SLC16A12: variants seen among roughly 807,000 people sequenced by gnomAD.
The protein encoded by SLC16A12 is monocarboxylate transporter 12.
In SLC16A12, 17 loss-of-function variants were observed where a neutral mutation model predicts 42.4. That is an observed-to-expected ratio of 0.40 (90% CI 0.27 to 0.60). The LOEUF (loss-of-function observed/expected upper bound fraction) is 0.60, where lower values mean the gene tolerates loss of function less well. Among genes scored for constraint, SLC16A12 ranks in the 20% least tolerant of loss-of-function variants. The pLI, the probability that SLC16A12 is intolerant of heterozygous loss-of-function variation, is 0.42. For missense variants in SLC16A12, 544 were observed against 623.0 expected (o/e 0.87, Z 1.35); for synonymous variants, 224 against 229.4 (o/e 0.98, Z 0.21).
chr10:89,471,124 C>A (rs150350451), intron 2 of SLC16A12, among the ~76,000 whole-genome samples: 1 of 152,302 alleles, frequency 6.6e-6, no homozygotes, highest in East Asian at 1.9e-4. Flanking sequence ...AACTTACATA[C>A]AATAAAACAT....
At chr10:89,524,080 T>C (rs1004360359) in intron 2 of SLC16A12, among the ~76,000 whole-genome samples, 3 of 152,150 alleles carry the variant, frequency 2.0e-5, no homozygotes, top group African/African-American at 7.2e-5. Flanking sequence ...TTGCCCAGAA[T>C]ATCAAACTTT....
rs999727909 is a variant in SLC16A12, at chr10:89,431,654, T to A, written c.*1410A>T. The A allele has an allele frequency of 2.0e-5, 3 of 152,222 alleles. No homozygotes were observed. Among genetic ancestry groups the A allele is most frequent in the Non-Finnish European group, 2.9e-5 (2 of 68,036 alleles). The allele number at this position is 152,222 out of a possible 1,614,324, so 9.4% of individuals were successfully genotyped here. A position where few individuals can be genotyped will look rare whatever the true frequency, so the allele number is the denominator to read the frequency against. The stretch of plus-strand genomic sequence containing the variant: ...CCTTGACATTTGGATTTTAAACTCC[T>A]GGTAATTAAAATTGATTGCATAATT... On this transcript the variant is annotated 3_prime_UTR_variant, in exon 8 of 8. Transcript: ENST00000371790.
intron 4 of SLC16A12, 23 bp from the exon 5 acceptor site, chr10:89,441,274 G>T (rs759702932): frequency 1.2e-6 from 2 of 1,613,740 alleles, no homozygotes; most frequent in Middle Eastern, 1.7e-4. Flanking sequence ...TAAGAAATAG[G>T]TTCAACAGAA....
intron 2 of SLC16A12, among the ~76,000 whole-genome samples, chr10:89,544,796 A>G (rs1467892782): frequency 6.7e-6 from 1 of 149,486 alleles, no homozygotes; most frequent in Non-Finnish European, 1.5e-5. Context: ...TCTGTTTATG[A>G]AACCAGGTCT....
intron 2 of SLC16A12, among the ~76,000 whole-genome samples, chr10:89,486,036 A>C (rs1169989194): frequency 6.6e-6 from 1 of 152,232 alleles, no homozygotes; most frequent in African/African-American, 2.4e-5. Context: ...TACATTCAAC[A>C]AGCAGTATTT....
chr10:89,461,016 G>T (rs767470964), intron 3 of SLC16A12, among the ~76,000 whole-genome samples: 1 of 152,168 alleles, frequency 6.6e-6, no homozygotes, highest in Non-Finnish European at 1.5e-5. Flanking sequence ...CTGTATTGAT[G>T]ATGCCAACAA....
chr10:89,489,831 G>A (rs905700992), intron 2 of SLC16A12, among the ~76,000 whole-genome samples: 2 of 152,020 alleles, frequency 1.3e-5, no homozygotes, highest in African/African-American at 2.4e-5. Flanking sequence ...TTTCAAATAT[G>A]ATGAAAAAAG....
intron 2 of SLC16A12, among the ~76,000 whole-genome samples, chr10:89,490,405 C>T (rs1306753046): frequency 6.6e-6 from 1 of 152,206 alleles, no homozygotes; most frequent in Non-Finnish European, 1.5e-5. Flanking sequence ...GACTGCCCCA[C>T]TTCAGATACC....
intron 2 of SLC16A12, among the ~76,000 whole-genome samples, chr10:89,474,109 C>T (rs575538546): frequency 6.6e-5 from 10 of 152,316 alleles, no homozygotes; most frequent in East Asian, 3.9e-4. Context: ...CCTGAATTAC[C>T]TATCACTCCT....
intron 3 of SLC16A12, among the ~76,000 whole-genome samples, chr10:89,445,064 T>C (rs1325878261): frequency 6.6e-6 from 1 of 152,244 alleles, no homozygotes; most frequent in Non-Finnish European, 1.5e-5. Context: ...CTGCCATTGC[T>C]GAGGCTTGAG....
At chr10:89,511,554 T>C (rs1230772048) in intron 2 of SLC16A12, among the ~76,000 whole-genome samples, 1 of 151,116 alleles carries the variant, frequency 6.6e-6, no homozygotes, top group East Asian at 1.9e-4. Context: ...CACAGGGAGG[T>C]GAACATCACA....
rs113074340 is a variant in SLC16A12, at chr10:89,458,330, C to T, written c.200+4049G>A. On this transcript the variant is annotated intron_variant, in intron 3 of 7. Transcript: ENST00000371790. ...AAATTGGGCATCTATGAGTTTCATG[C>T]TCTTCATGGTTCTTCCACAGACAGA... Among the ~76,000 whole-genome samples the T allele has an allele frequency of 3.0e-3, 457 of 152,296 alleles. 1 individual carries two copies. The highest frequency in any genetic ancestry group is 0.011 in the African/African-American group (437 of 41,562).
chr10:89,511,522 T>A (rs769182026), intron 2 of SLC16A12, among the ~76,000 whole-genome samples: 2 of 151,734 alleles, frequency 1.3e-5, no homozygotes, highest in African/African-American at 4.8e-5. Context: ...TAAGTGGGAG[T>A]TGAGCAATGA....
At chr10:89,504,226 TCAAAACAAAA>T (rs573959759) in intron 2 of SLC16A12, among the ~76,000 whole-genome samples, 2 of 152,122 alleles carry the variant, frequency 1.3e-5, no homozygotes, top group Admixed American at 1.3e-4. Context: ...AATCAGCCTG[TCAAAACAAAA>T]CAAAAAAAGC....
intron 2 of SLC16A12, among the ~76,000 whole-genome samples, chr10:89,515,185 A>G (rs1223789555): frequency 6.6e-6 from 1 of 152,148 alleles, no homozygotes; most frequent in Admixed American, 6.6e-5. Flanking sequence ...ATTTCAATGG[A>G]TGATGATTAC....
rs770274570 is a variant in SLC16A12 at position 89,487,995 on chromosome 10, T to TATATATATATAC, written c.-46-25372_-46-25371insGTATATATATAT. 5.5e-4 allele frequency among the ~76,000 whole-genome samples: 68 copies of TATATATATATAC among 122,964 alleles called. 1 individual carries two copies. The East Asian group carries it at 9.5e-3, about 17-fold the overall frequency. The allele number at this position is 122,964 out of a possible 152,430, so 80.7% of individuals were successfully genotyped here. ...ATATATATATATATATATATATATATACACACACACATTTATTATACCATA... is the reference window on the plus strand; with the variant it reads ...ATATATATATATATATATATATATATATATATATATACACACACACACATTTATTATACCATA... On this transcript the variant is annotated intron_variant, in intron 2 of 7. Transcript: ENST00000371790.
intron 2 of SLC16A12, among the ~76,000 whole-genome samples, chr10:89,485,316 A>T (rs1316776963): frequency 6.6e-6 from 1 of 152,248 alleles, no homozygotes; most frequent in East Asian, 1.9e-4. Context: ...GACAAGGTTG[A>T]GAAAGCCTGA....
chr10:89,515,536 C>T lies in SLC16A12; in HGVS notation c.-47+18965G>A, dbSNP rs775079720. ...CAGGCACAGTAGAAGTTCCACTTGT[C>T]GAAACTGAAGATAAGTGCAGTTCCA... On this transcript the variant is annotated intron_variant, in intron 2 of 7. Coordinates refer to ENST00000371790, the MANE Select transcript of SLC16A12 (RefSeq NM_213606.4). 4.6e-5 allele frequency among the ~76,000 whole-genome samples: 7 copies of T among 152,152 alleles called. No homozygotes were observed. In the East Asian group the frequency reaches 9.6e-4, roughly 21 times the overall value.
intron 7 of SLC16A12, among the ~76,000 whole-genome samples, chr10:89,433,990 C>T (rs1441504422): frequency 6.6e-6 from 1 of 152,132 alleles, no homozygotes; most frequent in East Asian, 1.9e-4. Flanking sequence ...TAACATTATA[C>T]TTCGTCAGGC....
Sources: allele counts gnomAD v4.1 joint callset (sites outside exome capture counted in the v4.1 genomes callset), GRCh38; gene constraint gnomAD v4.1.1; transcripts MANE v1.5; gene names NCBI Gene and HGNC (gene_info 2026-07-23, HGNC 2026-07-21).